The following CNTNAP5 variants were observed in gnomAD, a reference collection of about 807,000 sequenced individuals.
CNTNAP5 encodes contactin associated protein family member 5.
CNTNAP5 carries 72 observed loss-of-function variants against 150.2 expected under a neutral mutation model. The ratio of observed to expected loss-of-function variants is 0.48; its 90% CI spans 0.40 to 0.58. The LOEUF (loss-of-function observed/expected upper bound fraction) is 0.58. Among genes scored for constraint, CNTNAP5 ranks in the 20% least tolerant of loss-of-function variants. The pLI, the probability that CNTNAP5 is intolerant of heterozygous loss-of-function variation, is 0.00. For synonymous variants in CNTNAP5, 672 were observed against 619.8 expected, an observed-to-expected ratio of 1.08 and a Z score of -1.25; for missense variants, 1,636 against 1,626.2, an observed-to-expected ratio of 1.01 and a Z score of -0.10.
chr2:124,813,214 C>T (rs575801936), intron 19 of CNTNAP5, among the ~76,000 whole-genome samples: 1 of 151,914 alleles, frequency 6.6e-6, no homozygotes, highest in African/African-American at 2.4e-5. Flanking sequence ...GTAGCTGGGA[C>T]TATAGGTGCC....
At chr2:124,181,241 T>C (rs1032225596) in intron 1 of CNTNAP5, among the ~76,000 whole-genome samples, 1 of 152,136 alleles carries the variant, frequency 6.6e-6, no homozygotes, top group African/African-American at 2.4e-5. Context: ...TACTTTGCCT[T>C]GAAGACTCAA....
chr2:124,477,486 G>A (rs891079556), intron 7 of CNTNAP5, among the ~76,000 whole-genome samples: 15 of 152,024 alleles, frequency 9.9e-5, no homozygotes, highest in Admixed American at 8.5e-4. Context: ...GTTTGGAAAA[G>A]TTAGGATGAT....
At chr2:124,831,030 A>C (rs1682705626) in intron 19 of CNTNAP5, among the ~76,000 whole-genome samples, 1 of 152,048 alleles carries the variant, frequency 6.6e-6, no homozygotes, top group Non-Finnish European at 1.5e-5. Context: ...TTTTTAGATA[A>C]CCTTATTTTT....
At chr2:124,090,477 T>G (rs1340556724) in intron 1 of CNTNAP5, among the ~76,000 whole-genome samples, 2 of 152,218 alleles carry the variant, frequency 1.3e-5, no homozygotes, top group African/African-American at 4.8e-5. Flanking sequence ...AAGTATTTAT[T>G]GACTAGCTCT....
intron 3 of CNTNAP5, among the ~76,000 whole-genome samples, chr2:124,362,276 C>T (rs1484211878): frequency 9.8e-5 from 15 of 152,330 alleles, no homozygotes; most frequent in South Asian, 6.2e-4. Flanking sequence ...TCTTCTGCGT[C>T]GCTCACGCTG....
chr2:124,306,843 T>C (rs2104652480), intron 3 of CNTNAP5, among the ~76,000 whole-genome samples: 1 of 147,630 alleles, frequency 6.8e-6, no homozygotes, highest in Non-Finnish European at 1.5e-5. Flanking sequence ...TTCTCCTGCC[T>C]CAGCCTCCTG....
chr2:124,114,757 G>T (rs1451596631), intron 1 of CNTNAP5, among the ~76,000 whole-genome samples: 2 of 151,552 alleles, frequency 1.3e-5, no homozygotes, highest in African/African-American at 4.8e-5. Flanking sequence ...TATGTTTGTA[G>T]ATAACACTTT....
chr2:124,375,348 A>T (rs1212730167), intron 3 of CNTNAP5, among the ~76,000 whole-genome samples: 3 of 152,212 alleles, frequency 2.0e-5, no homozygotes, highest in Non-Finnish European at 4.4e-5. Context: ...GCATACTTGC[A>T]TCATGATTCT....
At chr2:124,186,742 C>T (rs989153120) in intron 1 of CNTNAP5, among the ~76,000 whole-genome samples, 1 of 150,620 alleles carries the variant, frequency 6.6e-6, no homozygotes, top group Non-Finnish European at 1.5e-5. Context: ...ATGGAAGTGC[C>T]AAATTAAATA....
At chr2:124,886,315 G>A (rs1245708589) in intron 21 of CNTNAP5, among the ~76,000 whole-genome samples, 1 of 152,118 alleles carries the variant, frequency 6.6e-6, no homozygotes. Context: ...CTTGGGGCAA[G>A]TGGTGGAATT....
At chr2:124,421,179 A>G (rs780917299) in intron 4 of CNTNAP5, among the ~76,000 whole-genome samples, 3 of 152,206 alleles carry the variant, frequency 2.0e-5, no homozygotes, top group Non-Finnish European at 4.4e-5. Context: ...AAACACATCT[A>G]CATGCTGGTC....
intron 3 of CNTNAP5, among the ~76,000 whole-genome samples, chr2:124,305,762 G>A (rs1688673360): frequency 6.6e-6 from 1 of 152,138 alleles, no homozygotes; most frequent in Non-Finnish European, 1.5e-5. Context: ...ACAGCATGAA[G>A]GCTCTCACCA....
chr2:124,255,320 C>A (rs990867234), intron 3 of CNTNAP5, among the ~76,000 whole-genome samples: 7 of 151,948 alleles, frequency 4.6e-5, no homozygotes, highest in African/African-American at 2.4e-5. Context: ...GTCAGGAAAT[C>A]GAGACAATCC....
intron 3 of CNTNAP5, among the ~76,000 whole-genome samples, chr2:124,301,397 G>A (rs1354644661): frequency 1.3e-5 from 2 of 152,128 alleles, no homozygotes; most frequent in African/African-American, 4.8e-5. Flanking sequence ...TCCCCAAGCA[G>A]GGACATAAGA....
chr2:124,322,687 G>A (rs2104670752), intron 3 of CNTNAP5, among the ~76,000 whole-genome samples: 1 of 152,186 alleles, frequency 6.6e-6, no homozygotes, highest in Non-Finnish European at 1.5e-5. Context: ...AACAGATATG[G>A]CATATTATTA....
chr2:124,506,602 A>C (rs1694412631), intron 8 of CNTNAP5, among the ~76,000 whole-genome samples: 1 of 152,234 alleles, frequency 6.6e-6, no homozygotes, highest in Admixed American at 6.5e-5. Context: ...GAAGTCAGGC[A>C]GTCAAGTTTA....
At position 124,035,289 on chromosome 2, in the gene CNTNAP5, G is replaced by A. The variant is rs142278538; in HGVS notation, c.82+9557G>A. Among the ~76,000 whole-genome samples the A allele has an allele frequency of 2.7e-3, 409 of 151,892 alleles. 6 individuals carry two copies. The highest frequency in any genetic ancestry group is 9.3e-3 in the African/African-American group (386 of 41,440). Reference sequence around the variant, plus strand: ...CTTATTTTTTAAGTCTTTTCCCCCTGCTCCTTTATTTTCAATATTCTTCCC... The same window carrying A: ...CTTATTTTTTAAGTCTTTTCCCCCTACTCCTTTATTTTCAATATTCTTCCC... On this transcript the variant is annotated intron_variant, in intron 1 of 23. Coordinates refer to ENST00000682447, the MANE Select transcript of CNTNAP5 (RefSeq NM_001367498.1).
At chr2:124,074,303 T>C (rs916587387) in intron 1 of CNTNAP5, among the ~76,000 whole-genome samples, 5 of 152,080 alleles carry the variant, frequency 3.3e-5, no homozygotes, top group African/African-American at 7.2e-5. Context: ...CTGTGGTCAA[T>C]AGTAATTTGA....
At chr2:124,583,921 G>A (rs1696469481) in intron 11 of CNTNAP5, among the ~76,000 whole-genome samples, 2 of 152,262 alleles carry the variant, frequency 1.3e-5, no homozygotes, top group African/African-American at 4.8e-5. Flanking sequence ...ATGGGTTGCA[G>A]TCTGTCTTCC....
Sources: gnomAD v4.1 joint callset for allele counts (sites outside exome capture counted in the v4.1 genomes callset) on GRCh38, gnomAD v4.1.1 for gene constraint, MANE v1.5 for transcripts, NCBI Gene and HGNC (gene_info 2026-07-23, HGNC 2026-07-21) for gene names.